ALMS1: variants seen among roughly 807,000 people sequenced by gnomAD.
ALMS1 encodes the protein centrosome-associated protein ALMS1.
In ALMS1, 271 loss-of-function variants were observed where a neutral mutation model predicts 352.2. That is an observed-to-expected ratio of 0.77 (90% CI 0.70 to 0.85). ALMS1 has a LOEUF of 0.85. ALMS1 is among the 40% of genes least tolerant of loss of function. The pLI is 0.00. For missense variants in ALMS1, 5,445 were observed against 4,870.7 expected (o/e 1.12, Z -3.51); for synonymous variants, 1,865 against 1,761.2 (o/e 1.06, Z -1.48).
At position 73,385,937 on chromosome 2, in the gene ALMS1, G is replaced by GGAGGAC; in HGVS notation, c.74_75insCGAGGA (p.Glu24_Glu25insAspGlu). 1 of 1,000,644 alleles carries GGAGGAC rather than the reference G, an allele frequency of 1.0e-6. No homozygotes were observed. Among genetic ancestry groups the GGAGGAC allele is most frequent in the Non-Finnish European group, 1.5e-6 (1 of 676,792 alleles). The allele number at this position is 1,000,644 out of a possible 1,614,324, so 62.0% of individuals were successfully genotyped here. On this transcript the variant is annotated inframe_insertion, in exon 1 of 23. Transcript: ENST00000613296. ...AGGAGGAGGAGGAGGAGGAGGAGGA[G>GGAGGAC]GAGGAAGAGGAGGAGGCTGCAGCGG...
chr2:73,511,953 G>A (rs996289405), intron 10 of ALMS1, among the ~76,000 whole-genome samples: 6 of 152,206 alleles, frequency 3.9e-5, no homozygotes, highest in Non-Finnish European at 7.3e-5. Flanking sequence ...AATTTTATAG[G>A]AAACTGCCAG....
At chr2:73,409,649 A>G (rs1488563730) in intron 2 of ALMS1, among the ~76,000 whole-genome samples, 2 of 152,220 alleles carry the variant, frequency 1.3e-5, no homozygotes, top group Non-Finnish European at 2.9e-5. Context: ...CCGGCTTACT[A>G]GAACTCAGTT....
intron 17 of ALMS1, 125 bp downstream of exon 17, chr2:73,599,646 A>T: frequency 2.5e-6 from 3 of 1,178,030 alleles, no homozygotes; most frequent in Non-Finnish European, 3.7e-6. Context: ...GCCAATTTTC[A>T]TCTTGTCAGA....
intron 12 of ALMS1, among the ~76,000 whole-genome samples, chr2:73,542,388 T>G (rs1012294933): frequency 1.3e-5 from 2 of 152,142 alleles, no homozygotes; most frequent in Non-Finnish European, 2.9e-5. Flanking sequence ...AAGAGCTATC[T>G]ATGACAAACC....
chr2:73,425,185 A>G (rs959878981), intron 5 of ALMS1, among the ~76,000 whole-genome samples: 3 of 152,156 alleles, frequency 2.0e-5, no homozygotes, highest in African/African-American at 7.2e-5. Flanking sequence ...CATTATTTTG[A>G]GAATGTTTAT....
chr2:73,399,936 G>GTTTTTTTT (rs1382540969), intron 1 of ALMS1, among the ~76,000 whole-genome samples: 1 of 119,144 alleles, frequency 8.4e-6, no homozygotes. Context: ...TATATTAATT[G>GTTTTTTTT]TTTTTTTTTT....
rs567964736 is a variant in ALMS1, at chr2:73,403,480, GT to G, written c.325-5137del. 1.6e-4 allele frequency among the ~76,000 whole-genome samples: 24 copies of G among 151,986 alleles called. No homozygotes were observed. In the South Asian group the frequency reaches 5.0e-3, roughly 32 times the overall value. On this transcript the variant is annotated intron_variant, in intron 1 of 22. Transcript: ENST00000613296. ...CAGGAAGTGTGCTTCCTCCAACTTT[GT>G]TTTTGTCTTACAGAATTACTTTGGC...
intron 10 of ALMS1, among the ~76,000 whole-genome samples, chr2:73,511,062 G>A (rs927590880): frequency 6.6e-6 from 1 of 152,152 alleles, no homozygotes; most frequent in Non-Finnish European, 1.5e-5. Context: ...ATCCTAGGTC[G>A]ACTTCAGGCT....
At chr2:73,514,304 A>G (rs1421933797) in intron 10 of ALMS1, among the ~76,000 whole-genome samples, 2 of 151,810 alleles carry the variant, frequency 1.3e-5, no homozygotes, top group African/African-American at 4.8e-5. Flanking sequence ...TATTTTCTCT[A>G]TTGGCTTCTT....
intron 9 of ALMS1, among the ~76,000 whole-genome samples, chr2:73,472,426 A>T (rs1396150270): frequency 6.6e-6 from 1 of 152,096 alleles, no homozygotes; most frequent in Non-Finnish European, 1.5e-5. Flanking sequence ...AAGAATATGT[A>T]TTTGAAATTT....
intron 8 of ALMS1, 116 bp from the exon 9 acceptor site, chr2:73,455,046 A>G (rs915016121): frequency 2.6e-6 from 3 of 1,142,030 alleles, no homozygotes; most frequent in African/African-American, 3.0e-5. Context: ...AGAAGAAGAC[A>G]TACTAAGCAT....
rs1162013792 is a variant in ALMS1, at chr2:73,490,846, C to T, written c.8887C>T (p.Pro2963Ser). Residue 2963 changes from proline (P) to serine (S), a missense_variant, in exon 10 of 23, where the codon CCC (proline) becomes TCC (serine). Transcript: ENST00000613296. ...TTCTATAGCTTCAGACCTTCCGTCTCCCATTTCTCTTGAACAATGCCAAAG... is the reference window on the plus strand; with the variant it reads ...TTCTATAGCTTCAGACCTTCCGTCTTCCATTTCTCTTGAACAATGCCAAAG... ...QDSIASDLPSPISLEQCQSKA... is the reference protein window; with the variant it reads ...QDSIASDLPSSISLEQCQSKA... 5 of 1,613,916 alleles carry T rather than the reference C, an allele frequency of 3.1e-6. No homozygotes were observed. The South Asian group carries it at 4.4e-5, about 14-fold the overall frequency.
At chr2:73,523,066 A>C (rs893535650) in intron 11 of ALMS1, among the ~76,000 whole-genome samples, 1 of 152,190 alleles carries the variant, frequency 6.6e-6, no homozygotes, top group Middle Eastern at 3.2e-3. Flanking sequence ...AAAGGTTGAA[A>C]GCAAAAACTT....
At chr2:73,494,851 A>C (rs1296113105) in intron 10 of ALMS1, among the ~76,000 whole-genome samples, 1 of 152,196 alleles carries the variant, frequency 6.6e-6, no homozygotes, top group Non-Finnish European at 1.5e-5. Context: ...ATTTTGTTAG[A>C]CTATACAAAT....
intron 12 of ALMS1, among the ~76,000 whole-genome samples, chr2:73,541,138 C>G (rs1272608688): frequency 6.6e-6 from 1 of 152,194 alleles, no homozygotes; most frequent in African/African-American, 2.4e-5. Flanking sequence ...CACTCCTCAG[C>G]AAATGTAAAA....
chr2:73,466,317 A>G (rs531038835), intron 9 of ALMS1, among the ~76,000 whole-genome samples: 1 of 152,174 alleles, frequency 6.6e-6, no homozygotes, highest in African/African-American at 2.4e-5. Context: ...AAAAATGATG[A>G]GTTCATGTCC....
chr2:73,544,031 A>G (rs1674256321), intron 12 of ALMS1, among the ~76,000 whole-genome samples: 1 of 152,204 alleles, frequency 6.6e-6, no homozygotes, highest in African/African-American at 2.4e-5. Flanking sequence ...TACCCAAAGG[A>G]TTATAAATCA....
intron 1 of ALMS1, among the ~76,000 whole-genome samples, chr2:73,402,034 ATGTG>A (rs138240384): frequency 2.3e-5 from 3 of 131,676 alleles, no homozygotes; most frequent in African/African-American, 6.7e-5. Flanking sequence ...TGTGTGTGTT[ATGTG>A]TGTGTGTGTG....
At chr2:73,572,169 T>A in intron 15 of ALMS1, 93 bp from the exon 16 acceptor site, 1 of 1,090,816 alleles carries the variant, frequency 9.2e-7, no homozygotes, top group Non-Finnish European at 1.3e-6. Flanking sequence ...TTTCCTTTAG[T>A]CTTTGTTCTG....
Sources: gnomAD v4.1 joint callset for allele counts (sites outside exome capture counted in the v4.1 genomes callset) on GRCh38, gnomAD v4.1.1 for gene constraint, MANE v1.5 for transcripts, NCBI Gene and HGNC (gene_info 2026-07-23, HGNC 2026-07-21) for gene names.